Variants in FBXO17 observed in about 807,000 individuals in gnomAD.
FBXO17 encodes F-box only protein 17.
Under a neutral mutation model 34.1 loss-of-function variants are expected in FBXO17, and 43 were observed. That is an observed-to-expected ratio of 1.26 (90% CI 0.99 to 1.62). The LOEUF (loss-of-function observed/expected upper bound fraction) is 1.62, where lower values mean the gene tolerates loss of function less well. Among genes scored for constraint, FBXO17 ranks in the 40% most tolerant of loss-of-function variants. The pLI, the probability that FBXO17 is intolerant of heterozygous loss-of-function variation, is 0.00. For missense variants in FBXO17, 424 were observed against 386.7 expected, an observed-to-expected ratio of 1.10 and a Z score of -0.81; for synonymous variants, 169 against 166.0, an observed-to-expected ratio of 1.02 and a Z score of -0.14.
intron 1 of FBXO17, among the ~76,000 whole-genome samples, chr19:38,964,827 G>A (rs1269439354): frequency 2.6e-5 from 4 of 151,976 alleles, no homozygotes; most frequent in Non-Finnish European, 5.9e-5. Context: ...GGATGCTGCT[G>A]GTGTTACTGA....
intron 5 of FBXO17, 37 bp from the exon 6 acceptor site, chr19:38,942,788 C>T (rs186006129): frequency 1.4e-5 from 22 of 1,575,260 alleles, no homozygotes; most frequent in Admixed American, 6.0e-5. Flanking sequence ...TGAGGGCCTG[C>T]GGGCCCCTTC....
Position 38,946,670 on chromosome 19 carries a change from A to T in FBXO17, c.462-103T>A, listed in dbSNP as rs955131314. 6.7e-6 allele frequency: 10 copies of T among 1,503,076 alleles called. No individual in the cohort carries two copies. The Admixed American group carries it at 2.0e-4, about 31-fold the overall frequency. The allele number at this position is 1,503,076 out of a possible 1,614,324, so 93.1% of individuals were successfully genotyped here. A position where few individuals can be genotyped will look rare whatever the true frequency, so the allele number is the denominator to read the frequency against. ...AAGTCTCCCTTGATAACCCTCTCTA[A>T]AGCAGCCCTCAGGGTTTGCTCTAGC... On this transcript the variant is annotated intron_variant, in intron 3 of 5. Coordinates refer to ENST00000292852, the MANE Select transcript of FBXO17 (RefSeq NM_024907.7).
intron 5 of FBXO17, among the ~76,000 whole-genome samples, chr19:38,943,886 G>C (rs1035520246): frequency 6.6e-6 from 1 of 152,070 alleles, no homozygotes; most frequent in Non-Finnish European, 1.5e-5. Flanking sequence ...CACCACACCC[G>C]GCCCAAAATT....
At chr19:38,966,293 T>TTGTGTGTGTGTGTGTG (rs10569438) in intron 1 of FBXO17, among the ~76,000 whole-genome samples, 7,662 of 142,928 alleles carry the variant, frequency 0.054, 289 homozygotes, top group Non-Finnish European at 0.07. Context: ...ATTAAAAATT[T>TTGTGTGTGTGTGTGTG]TGTGTGTGTG....
At chr19:38,961,388 G>T (rs1975248196) in intron 1 of FBXO17, among the ~76,000 whole-genome samples, 1 of 148,570 alleles carries the variant, frequency 6.7e-6, no homozygotes, top group African/African-American at 2.5e-5. Context: ...CAATCCTTCC[G>T]CCTCAGCTTC....
Position 38,949,987 on chromosome 19 carries a change from G to T in FBXO17, c.333C>A (p.Phe111Leu). Reference protein sequence around the residue: ...LRAPFGRNLIFNSCGEQGFRG... With the variant: ...LRAPFGRNLILNSCGEQGFRG... Reference sequence around the variant, plus strand: ...GTCACCCACGCTCTCCGCAGGAGTTGAAGATGAGATTGCGGCCGAAGGGCG... The same window carrying T: ...GTCACCCACGCTCTCCGCAGGAGTTTAAGATGAGATTGCGGCCGAAGGGCG... The change falls in exon 2 of 6, where the codon TTC becomes TTA. Residue 111 changes from phenylalanine (F) to leucine (L), a missense_variant. Phe to Leu is a conservative substitution (Grantham distance 22). Transcript: ENST00000292852. 6.5e-7 allele frequency: 1 copy of T among 1,547,890 alleles called. No individual in the cohort carries two copies. The highest frequency in any genetic ancestry group is 8.7e-7 in the Non-Finnish European group (1 of 1,148,176).
At chr19:38,967,269 C>T (rs1975333196) in intron 1 of FBXO17, among the ~76,000 whole-genome samples, 1 of 151,998 alleles carries the variant, frequency 6.6e-6, no homozygotes, top group Admixed American at 6.6e-5. Flanking sequence ...ACCAGCCTGG[C>T]CAACATGGTG....
chr19:38,964,142 G>A (rs1358510612), intron 1 of FBXO17, among the ~76,000 whole-genome samples: 1 of 152,114 alleles, frequency 6.6e-6, no homozygotes, highest in African/African-American at 2.4e-5. Context: ...CATGGCAGGT[G>A]TATATTTAAC....
chr19:38,950,386 C>G (rs1975065380), intron 1 of FBXO17, 50 bp from the exon 2 acceptor site: 4 of 1,389,242 alleles, frequency 2.9e-6, no homozygotes, highest in Non-Finnish European at 1.9e-6. Context: ...CAGGCCACCC[C>G]CTCCCTACCT....
At chr19:38,950,571 G>T (rs985791138) in intron 1 of FBXO17, among the ~76,000 whole-genome samples, 7 of 152,238 alleles carry the variant, frequency 4.6e-5, no homozygotes, top group African/African-American at 1.7e-4. Context: ...CTTCCGTCTG[G>T]CGTTCAATTG....
chr19:38,949,774 G>C, intron 2 of FBXO17, 197 bp downstream of exon 2: 2 of 672,906 alleles, frequency 3.0e-6, no homozygotes, highest in Non-Finnish European at 4.8e-6. Context: ...CCGCCCACTC[G>C]TTCGGATTCC....
chr19:38,950,693 A>G (rs1975070669), intron 1 of FBXO17, among the ~76,000 whole-genome samples: 1 of 152,246 alleles, frequency 6.6e-6, no homozygotes, highest in African/African-American at 2.4e-5. Flanking sequence ...TGGCTAGGTT[A>G]ATTTTAGACC....
intron 1 of FBXO17, among the ~76,000 whole-genome samples, chr19:38,972,694 C>G (rs1975405384): frequency 6.6e-6 from 1 of 152,084 alleles, no homozygotes; most frequent in Non-Finnish European, 1.5e-5. Flanking sequence ...AAATTTCATT[C>G]TATAGACAAG....
At chr19:38,971,601 T>C (rs545200383) in intron 1 of FBXO17, among the ~76,000 whole-genome samples, 18 of 151,990 alleles carry the variant, frequency 1.2e-4, no homozygotes, top group African/African-American at 4.3e-4. Context: ...TTGGGTAACA[T>C]AGTGAGACCC....
chr19:38,954,373 G>A (rs182156408), intron 1 of FBXO17, among the ~76,000 whole-genome samples: 2,130 of 148,174 alleles, frequency 0.014, 59 homozygotes, highest in African/African-American at 0.05. Flanking sequence ...GGGTTCAAGC[G>A]ATTCTCCTAC....
intron 1 of FBXO17, among the ~76,000 whole-genome samples, chr19:38,968,135 A>G (rs1975344196): frequency 6.6e-6 from 1 of 152,076 alleles, no homozygotes; most frequent in South Asian, 2.1e-4. Context: ...CCTGGCCAAC[A>G]TGGTGAAACC....
At chr19:38,945,242 G>C (rs1433308363) in intron 4 of FBXO17, 138 bp from the exon 5 acceptor site, 36 of 1,151,642 alleles carry the variant, frequency 3.1e-5, no homozygotes, top group Non-Finnish European at 3.6e-5. Context: ...CCTGGCCTGG[G>C]AACCTCTAGG....
intron 1 of FBXO17, among the ~76,000 whole-genome samples, chr19:38,955,675 G>A (rs1043579105): frequency 6.6e-6 from 1 of 151,652 alleles, no homozygotes; most frequent in East Asian, 2.0e-4. Flanking sequence ...GTAGAGACAG[G>A]GTTTCACCAT....
Position 38,949,969 on chromosome 19 carries a change from A to G in FBXO17, c.349+2T>C, listed in dbSNP as rs1600191352. On this transcript the variant is annotated splice_donor_variant, in intron 2 of 5. Coordinates refer to ENST00000292852, the MANE Select transcript of FBXO17 (RefSeq NM_024907.7). LOFTEE classifies it high-confidence loss of function. ...CTCCTGGGCCCCGCCCCCGTCACCC[A>G]CGCTCTCCGCAGGAGTTGAAGATGA... The G allele has an allele frequency of 1.4e-6, 2 of 1,474,916 alleles. No homozygotes were observed. The highest frequency in any genetic ancestry group is 2.6e-5 in the East Asian group (1 of 37,996). 91.4% of individuals were successfully genotyped at this position (1,474,916 alleles called of 1,614,324 possible).
Sources: allele counts gnomAD v4.1 joint callset (sites outside exome capture counted in the v4.1 genomes callset), GRCh38; gene constraint gnomAD v4.1.1; transcripts MANE v1.5; gene names NCBI Gene and HGNC (gene_info 2026-07-23, HGNC 2026-07-21).